LMBR1: variants seen among roughly 807,000 people sequenced by gnomAD.
LMBR1 encodes the protein limb development membrane protein 1, also known as limb region 1 protein homolog.
LMBR1 carries 52 observed loss-of-function variants against 73.9 expected under a neutral mutation model. That is an observed-to-expected ratio of 0.70 (90% CI 0.56 to 0.89). The LOEUF is 0.89. LMBR1 is among the 40% of genes least tolerant of loss of function. LMBR1 has a pLI of 0.00. For missense variants in LMBR1, 539 were observed against 579.8 expected (o/e 0.93, Z 0.72); for synonymous variants, 215 against 209.4 (o/e 1.03, Z -0.23).
intron 2 of LMBR1, among the ~76,000 whole-genome samples, chr7:156,836,263 C>T (rs963848258): frequency 1.3e-5 from 2 of 152,100 alleles, no homozygotes; most frequent in African/African-American, 4.8e-5. Context: ...AAGGTAATTG[C>T]TTAGGTACTT....
chr7:156,703,954 A>G (rs1307502082), intron 15 of LMBR1, among the ~76,000 whole-genome samples: 2 of 152,222 alleles, frequency 1.3e-5, no homozygotes, highest in African/African-American at 2.4e-5. Flanking sequence ...AGAGGTCAAC[A>G]TGCAAAGCCC....
intron 15 of LMBR1, among the ~76,000 whole-genome samples, chr7:156,721,145 C>T (rs1327886682): frequency 6.6e-6 from 1 of 151,998 alleles, no homozygotes; most frequent in African/African-American, 2.4e-5. Context: ...ACATTAAAAA[C>T]AAATTGTATT....
At chr7:156,790,775 A>C (rs1159295439) in intron 5 of LMBR1, among the ~76,000 whole-genome samples, 1 of 152,162 alleles carries the variant, frequency 6.6e-6, no homozygotes, top group Non-Finnish European at 1.5e-5. Context: ...TATAACCTCT[A>C]ATGATTTTTA....
At chr7:156,782,258 AATAATGC>A (rs1322357218) in intron 5 of LMBR1, among the ~76,000 whole-genome samples, 1 of 152,198 alleles carries the variant, frequency 6.6e-6, no homozygotes, top group African/African-American at 2.4e-5. Context: ...AGGTATTGTG[AATAATGC>A]TGCTATGAAC....
At chr7:156,828,890 T>C (rs1347462665) in intron 3 of LMBR1, among the ~76,000 whole-genome samples, 1 of 152,220 alleles carries the variant, frequency 6.6e-6, no homozygotes, top group East Asian at 1.9e-4. Context: ...TTCCTCCTTT[T>C]TCCTTTTTGC....
intron 2 of LMBR1, among the ~76,000 whole-genome samples, chr7:156,836,321 T>C (rs1260406426): frequency 1.3e-5 from 2 of 152,128 alleles, no homozygotes; most frequent in African/African-American, 2.4e-5. Flanking sequence ...CAAAGTTCAT[T>C]AAAAAGAGTA....
At chr7:156,771,722 C>A (rs527702487) in intron 5 of LMBR1, among the ~76,000 whole-genome samples, 3 of 152,260 alleles carry the variant, frequency 2.0e-5, no homozygotes, top group African/African-American at 7.2e-5. Flanking sequence ...GGACACCTCC[C>A]TAACTCATTC....
chr7:156,761,979 A>AC (rs1260730299), intron 8 of LMBR1, among the ~76,000 whole-genome samples, 155 bp downstream of exon 8: 1 of 151,440 alleles, frequency 6.6e-6, no homozygotes, highest in Non-Finnish European at 1.5e-5. Flanking sequence ...TCTGTCTCAA[A>AC]AAAAAAAAAA....
At position 156,803,302 on chromosome 7, in the gene LMBR1, C is replaced by CA. The variant is rs1168662304; in HGVS notation, c.320-6811dup. Among the ~76,000 whole-genome samples, 33 of 150,196 alleles carry CA rather than the reference C, an allele frequency of 2.2e-4. No individual in the cohort carries two copies. The South Asian group carries it at 4.0e-3, about 18-fold the overall frequency. On this transcript the variant is annotated intron_variant, in intron 4 of 16. Transcript: ENST00000353442. ...TCTACAATGAACTCAAACAAATTTA[C>CA]AGGAAAAAAACAAACAACCCCATCA...
chr7:156,719,051 T>C (rs985148505), intron 15 of LMBR1, among the ~76,000 whole-genome samples: 3 of 151,944 alleles, frequency 2.0e-5, no homozygotes, highest in African/African-American at 7.3e-5. Flanking sequence ...GTTACATATG[T>C]ATACATGAGC....
At position 156,713,234 on chromosome 7, in the gene LMBR1, G is replaced by A. The variant is rs76806038; in HGVS notation, c.1225+10878C>T. Among the ~76,000 whole-genome samples the A allele has an allele frequency of 5.4e-3, 803 of 149,548 alleles. 18 individuals are homozygous for A. In the South Asian group the frequency reaches 0.076, roughly 14 times the overall value. ...GAAGATTAGTGGCTGCCGGGGGTGA[G>A]AGAGAGAGAGAGGGATAAATAGACA... On this transcript the variant is annotated intron_variant, in intron 15 of 16. Transcript: ENST00000353442.
In LMBR1 at chr7:156,779,836, T is replaced by C; in HGVS notation, c.424-16041A>G. The stretch of plus-strand genomic sequence containing the variant: ...AACATTTAAAATAAATATCAAGCTA[T>C]TGTTTTCACTTAACAAAAAGGGTCT... On this transcript the variant is annotated intron_variant, in intron 5 of 16. Coordinates refer to ENST00000353442, the MANE Select transcript of LMBR1 (RefSeq NM_022458.4). The C allele has an allele frequency of 9.8e-6, 4 of 407,372 alleles. No homozygotes were observed. In the Admixed American group the frequency reaches 1.2e-4, roughly 12 times the overall value. 25.2% of individuals were successfully genotyped at this position (407,372 alleles called of 1,614,324 possible). A position where few individuals can be genotyped will look rare whatever the true frequency, so the allele number is the denominator to read the frequency against.
chr7:156,705,404 C>T (rs1004435020), intron 15 of LMBR1, among the ~76,000 whole-genome samples: 1 of 152,050 alleles, frequency 6.6e-6, no homozygotes, highest in Non-Finnish European at 1.5e-5. Flanking sequence ...ACAAAAAACA[C>T]AAAAGTTAGC....
chr7:156,880,894 C>T (rs1184361425), intron 1 of LMBR1, among the ~76,000 whole-genome samples: 2 of 152,150 alleles, frequency 1.3e-5, no homozygotes, highest in African/African-American at 4.8e-5. Context: ...CTCAGGCAAT[C>T]CACCCGCCTC....
intron 9 of LMBR1, among the ~76,000 whole-genome samples, chr7:156,743,980 G>C (rs574093367): frequency 6.6e-6 from 1 of 152,302 alleles, no homozygotes; most frequent in South Asian, 2.1e-4. Context: ...AGTTAGAATA[G>C]TGCTTGGCAC....
chr7:156,796,257 T>C, intron 5 of LMBR1, 132 bp downstream of exon 5: 4 of 618,158 alleles, frequency 6.5e-6, no homozygotes, highest in South Asian at 5.4e-5. Flanking sequence ...GTTAACAATG[T>C]GTTATCAATA....
chr7:156,837,021 T>C, intron 1 of LMBR1, 136 bp from the exon 2 acceptor site: 1 of 630,710 alleles, frequency 1.6e-6, no homozygotes, highest in Non-Finnish European at 2.7e-6. Context: ...ATTTTACTCA[T>C]TAAAGTTTTA....
intron 5 of LMBR1, among the ~76,000 whole-genome samples, chr7:156,792,826 G>GA (rs1287008585): frequency 6.6e-6 from 1 of 151,914 alleles, no homozygotes; most frequent in African/African-American, 2.4e-5. Flanking sequence ...TTGCCCAGGG[G>GA]AATCCATGGG....
chr7:156,677,525 G>A (rs1362627143), downstream of LMBR1, among the ~76,000 whole-genome samples: 1 of 152,164 alleles, frequency 6.6e-6, no homozygotes, highest in Non-Finnish European at 1.5e-5. Context: ...GCTTGGGAGT[G>A]GCGCTCATCA....
Sources: allele counts gnomAD v4.1 joint callset (sites outside exome capture counted in the v4.1 genomes callset), GRCh38; gene constraint gnomAD v4.1.1; transcripts MANE v1.5; gene names NCBI Gene and HGNC (gene_info 2026-07-23, HGNC 2026-07-21).